Variants in PPARGC1A observed in about 807,000 individuals in gnomAD.
PPARGC1A encodes PPARG coactivator 1 alpha.
A neutral mutation model predicts 88.7 loss-of-function variants in PPARGC1A; 25 were observed. The observed-to-expected ratio is 0.28, with a 90% CI of 0.21 to 0.39. The LOEUF is 0.39. Ranked by LOEUF, PPARGC1A falls within the 10% of genes least tolerant of loss-of-function variation. PPARGC1A has a pLI of 1.00. For missense variants in PPARGC1A, 880 were observed against 968.7 expected, an observed-to-expected ratio of 0.91 and a Z score of 1.22; for synonymous variants, 363 against 355.6, an observed-to-expected ratio of 1.02 and a Z score of -0.24.
At chr4:23,875,067 G>A (rs1036971398) in intron 2 of PPARGC1A, among the ~76,000 whole-genome samples, 2 of 152,142 alleles carry the variant, frequency 1.3e-5, no homozygotes, top group African/African-American at 2.4e-5. Context: ...CCAACTTTGC[G>A]GTGTCTTCCC....
chr4:24,161,169 A>G, the PPARGC1A span, among the ~76,000 whole-genome samples: 1 of 152,226 alleles, frequency 6.6e-6, no homozygotes, highest in Non-Finnish European at 1.5e-5. Context: ...AGAATATAGC[A>G]TTGTTAAATG....
chr4:24,276,705 TAAACTC>T, the PPARGC1A span, among the ~76,000 whole-genome samples: 1 of 152,186 alleles, frequency 6.6e-6, no homozygotes, highest in Admixed American at 6.5e-5. Flanking sequence ...GTAGGAAAAT[TAAACTC>T]AAATATACCT....
At chr4:24,333,898 C>T in the PPARGC1A span, among the ~76,000 whole-genome samples, 11 of 128,606 alleles carry the variant, frequency 8.6e-5, no homozygotes, top group Non-Finnish European at 1.4e-4. Flanking sequence ...AGTGCCACTG[C>T]ACTCCAGCCT....
At chr4:24,111,391 A>T in the PPARGC1A span, among the ~76,000 whole-genome samples, 195 of 152,308 alleles carry the variant, frequency 1.3e-3, 1 homozygote, top group African/African-American at 4.3e-3. Flanking sequence ...AAATACATTT[A>T]AAAAGATATT....
chr4:24,203,775 C>CTCTTTGAAAGAAAAGAGCTTTCTT, the PPARGC1A span, among the ~76,000 whole-genome samples: 2 of 152,218 alleles, frequency 1.3e-5, no homozygotes, highest in Non-Finnish European at 2.9e-5. Context: ...TTGCTCTGAG[C>CTCTTTGAAAGAAAAGAGCTTTCTT]TCTTTGAAAG....
At chr4:23,820,543 T>C in intron 7 of PPARGC1A, 1 of 370,846 alleles carries the variant, frequency 2.7e-6, no homozygotes, top group Non-Finnish European at 5.5e-6. Context: ...AATCTCCATA[T>C]GCAATAGATT....
the PPARGC1A span, among the ~76,000 whole-genome samples, chr4:24,454,420 G>C: frequency 6.6e-6 from 1 of 152,058 alleles, no homozygotes; most frequent in Non-Finnish European, 1.5e-5. Context: ...AGAAATTCAA[G>C]AGCAAAGCAA....
At chr4:23,822,386 C>T (rs1199693080) in intron 7 of PPARGC1A, among the ~76,000 whole-genome samples, 2 of 151,996 alleles carry the variant, frequency 1.3e-5, no homozygotes, top group Non-Finnish European at 2.9e-5. Flanking sequence ...AGCTTAATTT[C>T]CTCCACATTC....
chr4:24,360,407 T>A, the PPARGC1A span, among the ~76,000 whole-genome samples: 2 of 152,274 alleles, frequency 1.3e-5, no homozygotes, highest in Admixed American at 1.3e-4. Context: ...CCCTCCCATC[T>A]AAGCAGAGGC....
chr4:24,213,170 T>C, the PPARGC1A span, among the ~76,000 whole-genome samples: 1 of 147,688 alleles, frequency 6.8e-6, no homozygotes, highest in African/African-American at 2.5e-5. Flanking sequence ...TTTTCCTTTT[T>C]TTTTTTTTTT....
intron 5 of PPARGC1A, 65 bp from the exon 6 acceptor site, chr4:23,824,573 A>G (rs551548320): frequency 2.9e-6 from 4 of 1,358,574 alleles, no homozygotes; most frequent in East Asian, 2.3e-5. Flanking sequence ...TTTTCTCTCC[A>G]CAACAGTCAA....
At chr4:24,269,164 G>A in the PPARGC1A span, among the ~76,000 whole-genome samples, 1 of 152,042 alleles carries the variant, frequency 6.6e-6, no homozygotes, top group Non-Finnish European at 1.5e-5. Flanking sequence ...TTTGGGTTTT[G>A]CATTTTTTGT....
At chr4:24,075,438 T>C in the PPARGC1A span, among the ~76,000 whole-genome samples, 20 of 152,332 alleles carry the variant, frequency 1.3e-4, no homozygotes, top group African/African-American at 3.8e-4. Flanking sequence ...CCATGGAGAA[T>C]TATTCTATGG....
the PPARGC1A span, among the ~76,000 whole-genome samples, chr4:24,050,194 C>CTTTTTTTT: frequency 1.9e-4 from 24 of 127,826 alleles, 5 homozygotes; most frequent in South Asian, 5.2e-4. Context: ...CTTAGGTGAC[C>CTTTTTTTT]TTTTGTTTTT....
the PPARGC1A span, among the ~76,000 whole-genome samples, chr4:23,951,367 A>C: frequency 6.6e-6 from 1 of 152,104 alleles, no homozygotes; most frequent in East Asian, 1.9e-4. Context: ...TTTTACTAGA[A>C]AATAAACATA....
the PPARGC1A span, among the ~76,000 whole-genome samples, chr4:24,041,293 C>A: frequency 2.6e-5 from 4 of 152,270 alleles, no homozygotes; most frequent in African/African-American, 9.6e-5. Context: ...CCAACTCCTC[C>A]CTGCTGGGCA....
the PPARGC1A span, among the ~76,000 whole-genome samples, chr4:24,013,306 ATTAATG>A: frequency 1.3e-5 from 2 of 152,174 alleles, no homozygotes; most frequent in Non-Finnish European, 2.9e-5. Flanking sequence ...TTGCTAAAAA[ATTAATG>A]TTAATCACCA....
At chr4:24,036,753 G>C in the PPARGC1A span, among the ~76,000 whole-genome samples, 1 of 152,122 alleles carries the variant, frequency 6.6e-6, no homozygotes, top group African/African-American at 2.4e-5. Flanking sequence ...AATTGAAAGG[G>C]GAACAAGGGA....
In PPARGC1A at chr4:23,865,206, C is replaced by T. The variant is rs185052450; in HGVS notation, c.234+19546G>A. Among the ~76,000 whole-genome samples the T allele has an allele frequency of 1.0e-3, 157 of 152,246 alleles. 3 individuals are homozygous for T. The highest frequency in any genetic ancestry group is 6.2e-4 in the Non-Finnish European group (42 of 68,002). On this transcript the variant is annotated intron_variant, in intron 2 of 12. Coordinates refer to ENST00000264867, the MANE Select transcript of PPARGC1A (RefSeq NM_013261.5). Reference sequence around the variant, plus strand: ...TCCAAAAGAAAAGAAAGAGTCACAGCTTGATCCTTCAACCATCAATGGACC... The same window carrying T: ...TCCAAAAGAAAAGAAAGAGTCACAGTTTGATCCTTCAACCATCAATGGACC...
Sources: allele counts gnomAD v4.1 joint callset (sites outside exome capture counted in the v4.1 genomes callset), GRCh38; gene constraint gnomAD v4.1.1; transcripts MANE v1.5; gene names NCBI Gene and HGNC (gene_info 2026-07-23, HGNC 2026-07-21).